Variants in MYO3A observed in about 807,000 individuals in gnomAD.
The protein encoded by MYO3A is myosin IIIA.
Under a neutral mutation model 192.7 loss-of-function variants are expected in MYO3A, and 180 were observed. The ratio of observed to expected loss-of-function variants is 0.93; its 90% CI spans 0.83 to 1.06. The LOEUF (loss-of-function observed/expected upper bound fraction) is 1.06. MYO3A is among the 50% of genes least tolerant of loss of function. MYO3A has a pLI of 0.00. For missense variants in MYO3A, 1,896 were observed against 1,905.0 expected, an observed-to-expected ratio of 1.00 and a Z score of 0.09; for synonymous variants, 628 against 645.3, an observed-to-expected ratio of 0.97 and a Z score of 0.41.
At chr10:26,168,246 A>C (rs1249672961) in intron 27 of MYO3A, among the ~76,000 whole-genome samples, 1 of 152,196 alleles carries the variant, frequency 6.6e-6, no homozygotes, top group Non-Finnish European at 1.5e-5. Flanking sequence ...ACGTACCTGT[A>C]ACAGGTCTCA....
At chr10:26,081,133 T>TGCCCCCCCCC in intron 14 of MYO3A, among the ~76,000 whole-genome samples, 2 of 84,980 alleles carry the variant, frequency 2.4e-5, no homozygotes, top group East Asian at 2.9e-4. Context: ...TATATGCCCT[T>TGCCCCCCCCC]CCCCCCCCCC....
At chr10:26,062,525 A>ACAAC (rs1564509919) in intron 10 of MYO3A, among the ~76,000 whole-genome samples, 1 of 115,992 alleles carries the variant, frequency 8.6e-6, no homozygotes, top group East Asian at 2.1e-4. Context: ...CAAAAAAAAA[A>ACAAC]AAAAAAAATT....
intron 26 of MYO3A, among the ~76,000 whole-genome samples, chr10:26,162,840 C>T (rs1841547753): frequency 6.6e-6 from 1 of 152,190 alleles, no homozygotes; most frequent in Non-Finnish European, 1.5e-5. Context: ...AAGTGTGCAG[C>T]GGACCTCAGT....
In MYO3A at chr10:26,050,751, T is replaced by G. The variant is rs542491161; in HGVS notation, c.954-16224T>G. ...CACGCAAAATTTCCCAGTATGACAT[T>G]TTTTTTCTTTAGCCTCCAGACATCT... On this transcript the variant is annotated intron_variant, in intron 10 of 34. Coordinates refer to ENST00000642920, the MANE Select transcript of MYO3A (RefSeq NM_017433.5). 4.7e-4 allele frequency among the ~76,000 whole-genome samples: 72 copies of G among 152,114 alleles called. 1 individual carries two copies. The highest frequency in any genetic ancestry group is 1.7e-3 in the African/African-American group (71 of 41,532).
intron 17 of MYO3A, 57 bp downstream of exon 17, chr10:26,096,739 G>C: frequency 8.3e-7 from 1 of 1,202,928 alleles, no homozygotes; most frequent in East Asian, 2.3e-5. Context: ...CATCACTAAT[G>C]TTAAGAGCAT....
chr10:26,105,589 T>C (rs1837747744), intron 17 of MYO3A, among the ~76,000 whole-genome samples: 1 of 152,150 alleles, frequency 6.6e-6, no homozygotes, highest in Non-Finnish European at 1.5e-5. Context: ...TTGAATATTA[T>C]AGACATTATA....
At chr10:26,123,077 A>G (rs1393682883) in intron 18 of MYO3A, among the ~76,000 whole-genome samples, 6 of 152,214 alleles carry the variant, frequency 3.9e-5, no homozygotes, top group Admixed American at 6.5e-5. Flanking sequence ...ATCAGAATGA[A>G]TTCCAAACAC....
At chr10:26,026,266 C>T (rs970165355) in intron 9 of MYO3A, 111 bp from the exon 10 acceptor site, 3 of 1,286,900 alleles carry the variant, frequency 2.3e-6, no homozygotes, top group South Asian at 2.7e-5. Flanking sequence ...TTGGGCTGAG[C>T]ATTTATGAGG....
At chr10:26,126,468 C>T (rs1287765649) in intron 19 of MYO3A, among the ~76,000 whole-genome samples, 3 of 152,054 alleles carry the variant, frequency 2.0e-5, no homozygotes, top group Non-Finnish European at 4.4e-5. Flanking sequence ...CTGTCTAAGA[C>T]CTTATCCATT....
chr10:26,202,890 A>G (rs1843739293), intron 33 of MYO3A, 74 bp from the exon 34 acceptor site: 1 of 1,525,132 alleles, frequency 6.6e-7, no homozygotes, highest in Non-Finnish European at 9.0e-7. Flanking sequence ...TTTAAAGAAA[A>G]AAAAGTATCC....
At position 26,116,970 on chromosome 10, in the gene MYO3A, A is replaced by G. The variant is rs78839670; in HGVS notation, c.1777-3706A>G. Among the ~76,000 whole-genome samples the G allele has an allele frequency of 1.4e-3, 209 of 152,338 alleles. 1 individual carries two copies. Among genetic ancestry groups the G allele is most frequent in the African/African-American group, 4.9e-3 (205 of 41,590 alleles). ...TAAGGTCATTTAATCCAAGCCATAGATCTGGGTCTGTTCTCATCAGATCCA... is the reference window on the plus strand; with the variant it reads ...TAAGGTCATTTAATCCAAGCCATAGGTCTGGGTCTGTTCTCATCAGATCCA... On this transcript the variant is annotated intron_variant, in intron 17 of 34. Coordinates refer to ENST00000642920, the MANE Select transcript of MYO3A (RefSeq NM_017433.5).
At chr10:26,010,383 C>G (rs919161730) in intron 6 of MYO3A, among the ~76,000 whole-genome samples, 1 of 148,888 alleles carries the variant, frequency 6.7e-6, no homozygotes, top group African/African-American at 2.5e-5. Context: ...TTGTTATATG[C>G]AAAATGTCTG....
At chr10:25,990,840 C>T (rs1454592188) in intron 4 of MYO3A, among the ~76,000 whole-genome samples, 1 of 118,792 alleles carries the variant, frequency 8.4e-6, no homozygotes, top group East Asian at 3.2e-4. Context: ...AGGACATGAA[C>T]TCATCATTTT....
chr10:26,158,421 T>A (rs1433133622), intron 26 of MYO3A, among the ~76,000 whole-genome samples: 2 of 151,498 alleles, frequency 1.3e-5, no homozygotes, highest in African/African-American at 2.4e-5. Flanking sequence ...CCCAGCTAAT[T>A]TTTTTTGTAT....
At chr10:26,047,512 G>A (rs570754623) in intron 10 of MYO3A, among the ~76,000 whole-genome samples, 5 of 152,256 alleles carry the variant, frequency 3.3e-5, no homozygotes, top group East Asian at 1.9e-4. Context: ...AGTGGCTCAC[G>A]CCTGTAATCC....
chr10:26,045,373 GATA>G (rs1843581162), intron 10 of MYO3A, among the ~76,000 whole-genome samples: 6 of 67,608 alleles, frequency 8.9e-5, no homozygotes, highest in Admixed American at 8.1e-4. Context: ...GCATTAGATA[GATA>G]GATAGATAGA....
intron 26 of MYO3A, among the ~76,000 whole-genome samples, chr10:26,164,110 A>G (rs539168828): frequency 6.6e-6 from 1 of 151,594 alleles, no homozygotes; most frequent in Non-Finnish European, 1.5e-5. Flanking sequence ...ATTAAATGAG[A>G]TTCTTGGAGC....
intron 17 of MYO3A, among the ~76,000 whole-genome samples, chr10:26,100,544 T>C (rs368791589): frequency 1.6e-4 from 25 of 152,308 alleles, no homozygotes; most frequent in East Asian, 9.6e-4. Context: ...GGGCATTTAG[T>C]GCTATAAATT....
intron 30 of MYO3A, 107 bp downstream of exon 30, chr10:26,174,664 T>C: frequency 1.1e-6 from 1 of 934,222 alleles, no homozygotes; most frequent in Non-Finnish European, 1.6e-6. Flanking sequence ...TCTGCGTTGA[T>C]GGGCCCGCAA....
Sources: allele counts gnomAD v4.1 joint callset (sites outside exome capture counted in the v4.1 genomes callset), GRCh38; gene constraint gnomAD v4.1.1; transcripts MANE v1.5; gene names NCBI Gene and HGNC (gene_info 2026-07-23, HGNC 2026-07-21).